The following TRPC4 variants were observed in gnomAD, a reference collection of about 807,000 sequenced individuals.
TRPC4 encodes transient receptor potential cation channel subfamily C member 4.
A neutral mutation model predicts 99.4 loss-of-function variants in TRPC4; 49 were observed. That is an observed-to-expected ratio of 0.49 (90% confidence interval 0.39 to 0.63). TRPC4 has a LOEUF of 0.63. Ranked by LOEUF, TRPC4 falls within the 20% of genes least tolerant of loss-of-function variation. The pLI, the probability that TRPC4 is intolerant of heterozygous loss-of-function variation, is 0.00. For synonymous variants in TRPC4, 454 were observed against 425.9 expected, an observed-to-expected ratio of 1.07 and a Z score of -0.81; for missense variants, 898 against 1,152.9, an observed-to-expected ratio of 0.78 and a Z score of 3.20.
At chr13:37,642,093 T>A (rs1951731847) in intron 8 of TRPC4, among the ~76,000 whole-genome samples, 1 of 152,196 alleles carries the variant, frequency 6.6e-6, no homozygotes, top group South Asian at 2.1e-4. Context: ...AATCGTTAGA[T>A]GCCTTCAGCT....
intron 1 of TRPC4, among the ~76,000 whole-genome samples, chr13:37,869,394 G>A (rs565216992): frequency 3.3e-5 from 5 of 152,116 alleles, no homozygotes; most frequent in Non-Finnish European, 5.9e-5. Flanking sequence ...GTCAAGCACC[G>A]AAAGCTTCAC....
Position 37,668,235 on chromosome 13 carries a change from GT to G in TRPC4, c.1375-4507del, listed in dbSNP as rs148014271. ...TTCAGTCTGTATGTACCCTAGTTTG[GT>G]TTTTCCCCAAGCCTTTATTTCTATT... On this transcript the variant is annotated intron_variant, in intron 5 of 10. Transcript: ENST00000379705. Among the ~76,000 whole-genome samples the G allele has an allele frequency of 4.5e-3, 692 of 152,204 alleles. 2 individuals are homozygous for G. Among genetic ancestry groups the G allele is most frequent in the Non-Finnish European group, 6.4e-3 (432 of 67,998 alleles).
chr13:37,691,328 T>C (rs1423357667), intron 4 of TRPC4, among the ~76,000 whole-genome samples: 1 of 152,088 alleles, frequency 6.6e-6, no homozygotes, highest in Admixed American at 6.5e-5. Context: ...ATGGCTACGA[T>C]CTCCTGACCT....
intron 4 of TRPC4, among the ~76,000 whole-genome samples, chr13:37,679,049 A>G (rs1014040195): frequency 2.0e-5 from 3 of 152,170 alleles, no homozygotes; most frequent in Non-Finnish European, 4.4e-5. Flanking sequence ...AACTTTCAGT[A>G]AAGTGTGAAT....
At chr13:37,663,850 G>A (rs535312044) in intron 5 of TRPC4, 121 bp from the exon 6 acceptor site, 45 of 924,112 alleles carry the variant, frequency 4.9e-5, no homozygotes, top group Non-Finnish European at 6.5e-5. Flanking sequence ...CTTTGTTTTC[G>A]ATTTTTGAAC....
intron 2 of TRPC4, among the ~76,000 whole-genome samples, chr13:37,776,511 A>G (rs1170763211): frequency 1.3e-5 from 2 of 151,812 alleles, no homozygotes; most frequent in Non-Finnish European, 2.9e-5. Context: ...TTACACATAT[A>G]TTGAGGCTCA....
At chr13:37,666,949 T>C (rs1952665102) in intron 5 of TRPC4, among the ~76,000 whole-genome samples, 2 of 152,172 alleles carry the variant, frequency 1.3e-5, no homozygotes, top group Non-Finnish European at 2.9e-5. Context: ...CTAACAGCCC[T>C]ATTCTGCATT....
intron 3 of TRPC4, among the ~76,000 whole-genome samples, chr13:37,742,334 T>C (rs970428553): frequency 6.6e-6 from 1 of 152,118 alleles, no homozygotes; most frequent in African/African-American, 2.4e-5. Flanking sequence ...ACCCAAATAG[T>C]GCAATTTATT....
chr13:37,741,381 C>T (rs891699164), intron 3 of TRPC4, among the ~76,000 whole-genome samples: 3 of 152,164 alleles, frequency 2.0e-5, no homozygotes, highest in Non-Finnish European at 2.9e-5. Context: ...TGTCCTCAGT[C>T]GTCCTCGCCT....
At chr13:37,745,685 C>A (rs1955754709) in intron 3 of TRPC4, among the ~76,000 whole-genome samples, 1 of 151,712 alleles carries the variant, frequency 6.6e-6, no homozygotes, top group South Asian at 2.1e-4. Context: ...TACTAAAATT[C>A]ATTAGTTTTT....
intron 7 of TRPC4, among the ~76,000 whole-genome samples, chr13:37,653,735 G>C (rs1015947899): frequency 6.6e-6 from 1 of 152,080 alleles, no homozygotes; most frequent in African/African-American, 2.4e-5. Flanking sequence ...TTCTTAAATA[G>C]TGTTTTCTCC....
In TRPC4 at chr13:37,783,354, T is replaced by G; in HGVS notation, c.-21A>C. 6.6e-7 allele frequency: 1 copy of G among 1,520,650 alleles called. No homozygotes were observed. Among genetic ancestry groups the G allele is most frequent in the Non-Finnish European group, 8.8e-7 (1 of 1,135,220 alleles). 94.2% of individuals were successfully genotyped at this position (1,520,650 alleles called of 1,614,324 possible). On this transcript the variant is annotated 5_prime_UTR_variant, in exon 2 of 11. Coordinates refer to ENST00000379705, the MANE Select transcript of TRPC4 (RefSeq NM_016179.4). The stretch of plus-strand genomic sequence containing the variant: ...GCCATGTTTCATGCCATGCTATTTC[T>G]TCGTCTCTGAAAGTAGAAACAAAAA...
chr13:37,735,668 A>T (rs1955374258), intron 3 of TRPC4, among the ~76,000 whole-genome samples: 2 of 152,166 alleles, frequency 1.3e-5, no homozygotes, highest in South Asian at 4.1e-4. Context: ...GGGCCAAGGG[A>T]AGGTATCCAA....
At chr13:37,737,284 A>G (rs1325734996) in intron 3 of TRPC4, among the ~76,000 whole-genome samples, 1 of 151,822 alleles carries the variant, frequency 6.6e-6, no homozygotes, top group Non-Finnish European at 1.5e-5. Context: ...CTCTTTCATG[A>G]GCAAATATGC....
In TRPC4 at chr13:37,665,025, G is replaced by A. The variant is rs918962298; in HGVS notation, c.1375-1296C>T. Among the ~76,000 whole-genome samples the A allele has an allele frequency of 4.6e-5, 7 of 151,808 alleles. No individual in the cohort carries two copies. The East Asian group carries it at 5.8e-4, about 13-fold the overall frequency. ...TTGAACATTCCCACACATAGCTTCC[G>A]CATAAAATAGCTAATTACTGAAGAT... On this transcript the variant is annotated intron_variant, in intron 5 of 10. Coordinates refer to ENST00000379705, the MANE Select transcript of TRPC4 (RefSeq NM_016179.4).
chr13:37,678,774 CA>C (rs1469490338), intron 4 of TRPC4, among the ~76,000 whole-genome samples: 1 of 151,972 alleles, frequency 6.6e-6, no homozygotes, highest in Non-Finnish European at 1.5e-5. Flanking sequence ...AACAATCAGA[CA>C]AAACTCTTTA....
intron 2 of TRPC4, among the ~76,000 whole-genome samples, chr13:37,772,951 A>C (rs750646531): frequency 6.6e-6 from 1 of 151,834 alleles, no homozygotes; most frequent in African/African-American, 2.4e-5. Flanking sequence ...AAATTTCTCA[A>C]TGTGCCAGCA....
intron 6 of TRPC4, among the ~76,000 whole-genome samples, chr13:37,659,218 G>A (rs1162384408): frequency 6.6e-6 from 1 of 152,034 alleles, no homozygotes; most frequent in Non-Finnish European, 1.5e-5. Flanking sequence ...AAAAGGCTTA[G>A]TGTCATCCTA....
At chr13:37,842,851 A>C (rs1048863468) in intron 1 of TRPC4, among the ~76,000 whole-genome samples, 2 of 152,224 alleles carry the variant, frequency 1.3e-5, no homozygotes, top group Non-Finnish European at 2.9e-5. Flanking sequence ...AAGGATGAGA[A>C]ATGGAACGAA....
Sources: allele counts gnomAD v4.1 joint callset (sites outside exome capture counted in the v4.1 genomes callset), GRCh38; gene constraint gnomAD v4.1.1; transcripts MANE v1.5; gene names NCBI Gene and HGNC (gene_info 2026-07-23, HGNC 2026-07-21).